Variants in ATG7 observed in about 807,000 individuals in gnomAD.
ATG7 encodes the protein ubiquitin-like modifier-activating enzyme ATG7.
ATG7 carries 70 observed loss-of-function variants against 82.4 expected under a neutral mutation model. That is an observed-to-expected ratio of 0.85 (90% confidence interval 0.70 to 1.04). ATG7 has a LOEUF of 1.04. Among genes scored for constraint, ATG7 ranks in the 50% least tolerant of loss-of-function variants. The probability of loss-of-function intolerance (pLI) is 0.00; values close to 1 mark genes in which losing one functional copy is unlikely to be tolerated. For missense variants in ATG7, 792 were observed against 864.3 expected, an observed-to-expected ratio of 0.92 and a Z score of 1.05; for synonymous variants, 287 against 313.0, an observed-to-expected ratio of 0.92 and a Z score of 0.88.
chr3:11,298,539 A>G (rs1444915455), intron 3 of ATG7, 147 bp from the exon 4 acceptor site: 14 of 720,748 alleles, frequency 1.9e-5, no homozygotes, highest in South Asian at 1.5e-4. Flanking sequence ...TCTTACCACA[A>G]TCCAAAAAGA....
At chr3:11,511,068 C>T (rs1023824581) in intron 20 of ATG7, among the ~76,000 whole-genome samples, 4 of 152,080 alleles carry the variant, frequency 2.6e-5, no homozygotes, top group African/African-American at 9.7e-5. Flanking sequence ...CAGACCTTCG[C>T]GGTGAGTGTT....
chr3:11,437,745 C>T (rs1460426485), intron 20 of ATG7, among the ~76,000 whole-genome samples: 1 of 152,170 alleles, frequency 6.6e-6, no homozygotes, highest in Non-Finnish European at 1.5e-5. Context: ...TCACAGTTCG[C>T]ATATATACTT....
chr3:11,544,885 TA>T (rs1284720002), intron 20 of ATG7, among the ~76,000 whole-genome samples: 2 of 152,174 alleles, frequency 1.3e-5, no homozygotes, highest in Non-Finnish European at 2.9e-5. Context: ...GACCAGGCCC[TA>T]CCCTCACGCA....
At chr3:11,334,261 T>C (rs1952060182) in intron 11 of ATG7, among the ~76,000 whole-genome samples, 2 of 151,896 alleles carry the variant, frequency 1.3e-5, no homozygotes, top group Admixed American at 1.3e-4. Flanking sequence ...ATTATTATTA[T>C]TGAGGCAGAG....
chr3:11,483,812 G>A (rs565407467), intron 20 of ATG7, among the ~76,000 whole-genome samples: 5 of 152,268 alleles, frequency 3.3e-5, no homozygotes, highest in Admixed American at 6.5e-5. Context: ...GGACTCTACG[G>A]TAGAATTTAA....
intron 20 of ATG7, among the ~76,000 whole-genome samples, chr3:11,511,599 C>T (rs541508464): frequency 3.7e-4 from 56 of 152,350 alleles, no homozygotes; most frequent in African/African-American, 9.4e-4. Context: ...TGCGCTCACA[C>T]TCCTCAGCCC....
chr3:11,300,855 T>A (rs1946675527), intron 5 of ATG7, among the ~76,000 whole-genome samples: 1 of 152,198 alleles, frequency 6.6e-6, no homozygotes, highest in South Asian at 2.1e-4. Context: ...AACTCTAGGC[T>A]AATGTAAGTG....
rs1470530124 is a variant in ATG7, at chr3:11,482,581, A to G, written c.2079+55655A>G. ...TAGGGTACAGTTGGGCCTTACTGAG[A>G]GCTAGAATTCCATTTGTTGAAAGAC... On this transcript the variant is annotated intron_variant, in intron 20 of 20. Transcript: ENST00000693202. Among the ~76,000 whole-genome samples the G allele has an allele frequency of 2.0e-5, 3 of 152,132 alleles. No individual in the cohort carries two copies. In the East Asian group the frequency reaches 5.8e-4, roughly 29 times the overall value.
chr3:11,473,170 C>T (rs913417637), intron 20 of ATG7, among the ~76,000 whole-genome samples: 3 of 152,190 alleles, frequency 2.0e-5, no homozygotes, highest in African/African-American at 7.2e-5. Flanking sequence ...CATTATAGCA[C>T]TTTGGGCTTT....
chr3:11,372,953 A>G lies in ATG7; in HGVS notation c.1876-7019A>G, dbSNP rs937871597. 1.3e-5 allele frequency among the ~76,000 whole-genome samples: 2 copies of G among 151,446 alleles called. 1 individual carries two copies. Among genetic ancestry groups the G allele is most frequent in the Non-Finnish European group, 2.9e-5 (2 of 67,864 alleles). On this transcript the variant is annotated intron_variant, in intron 18 of 20. Coordinates refer to ENST00000693202, the MANE Select transcript of ATG7 (RefSeq NM_001349232.2). ...CTGTTTAAAAGAAAGTTAAATGTTTAGATAATTTTTTAAAAAATAGGAAAA... is the reference window on the plus strand; with the variant it reads ...CTGTTTAAAAGAAAGTTAAATGTTTGGATAATTTTTTAAAAAATAGGAAAA...
intron 19 of ATG7, among the ~76,000 whole-genome samples, 177 bp from the exon 20 acceptor site, chr3:11,426,627 G>GA (rs2082386514): frequency 6.6e-6 from 1 of 152,120 alleles, no homozygotes. Context: ...TCTAAGAAGG[G>GA]AAAAGATGAT....
chr3:11,341,071 C>G (rs767877076), intron 12 of ATG7, among the ~76,000 whole-genome samples: 9 of 151,758 alleles, frequency 5.9e-5, no homozygotes, highest in Admixed American at 2.6e-4. Context: ...CGCCCCGTCC[C>G]CCACCCCGCC....
At chr3:11,391,888 C>G (rs2078829378) in intron 19 of ATG7, among the ~76,000 whole-genome samples, 1 of 148,680 alleles carries the variant, frequency 6.7e-6, no homozygotes, top group South Asian at 2.1e-4. Flanking sequence ...GTTCACTTTT[C>G]TACCATATTA....
chr3:11,429,902 C>T (rs1260482889), intron 20 of ATG7, among the ~76,000 whole-genome samples: 2 of 146,390 alleles, frequency 1.4e-5, no homozygotes, highest in Non-Finnish European at 3.0e-5. Flanking sequence ...GCTGAAATCG[C>T]GCGACTGAAT....
chr3:11,564,420 G>T, the ATG7 span, among the ~76,000 whole-genome samples: 1 of 151,814 alleles, frequency 6.6e-6, no homozygotes, highest in East Asian at 1.9e-4. Flanking sequence ...CCCACCCGAG[G>T]ATGACTACAT....
intron 19 of ATG7, among the ~76,000 whole-genome samples, chr3:11,389,456 T>TTA (rs1553639659): frequency 2.7e-5 from 4 of 146,932 alleles, no homozygotes; most frequent in Middle Eastern, 3.5e-3. Context: ...TTTTTTTTTT[T>TTA]AACACAGAAT....
intron 19 of ATG7, among the ~76,000 whole-genome samples, chr3:11,399,749 T>A (rs1348904836): frequency 6.6e-6 from 1 of 152,186 alleles, no homozygotes; most frequent in African/African-American, 2.4e-5. Flanking sequence ...TAATTTTTTA[T>A]TTTTAGTAGA....
intron 20 of ATG7, among the ~76,000 whole-genome samples, chr3:11,495,331 A>G (rs1223254198): frequency 1.3e-5 from 2 of 152,170 alleles, no homozygotes; most frequent in Non-Finnish European, 2.9e-5. Context: ...TACAGGTAGT[A>G]GTGTACTGCT....
intron 20 of ATG7, among the ~76,000 whole-genome samples, chr3:11,462,322 G>A (rs2086390443): frequency 6.6e-6 from 1 of 152,076 alleles, no homozygotes; most frequent in African/African-American, 2.4e-5. Flanking sequence ...AGACACAGGA[G>A]AGGCTCAGGA....
Sources: gnomAD v4.1 joint callset for allele counts (sites outside exome capture counted in the v4.1 genomes callset) on GRCh38, gnomAD v4.1.1 for gene constraint, MANE v1.5 for transcripts, NCBI Gene and HGNC (gene_info 2026-07-23, HGNC 2026-07-21) for gene names.